CUTC: variants seen among roughly 807,000 people sequenced by gnomAD.
CUTC encodes the protein cutC copper transporter.
Under a neutral mutation model 36.2 loss-of-function variants are expected in CUTC, and 27 were observed. The observed-to-expected ratio is 0.75, with a 90% CI of 0.55 to 1.03. CUTC has a LOEUF of 1.03. CUTC is among the 50% of genes least tolerant of loss of function. The pLI is 0.00. For missense variants in CUTC, 315 were observed against 343.5 expected, an observed-to-expected ratio of 0.92 and a Z score of 0.66; for synonymous variants, 114 against 118.3, an observed-to-expected ratio of 0.96 and a Z score of 0.24.
chr10:99,745,674 T>C (rs2037372901), intron 5 of CUTC, among the ~76,000 whole-genome samples: 1 of 152,134 alleles, frequency 6.6e-6, no homozygotes, highest in Non-Finnish European at 1.5e-5. Flanking sequence ...CTGGCCAACA[T>C]GGTGAAACCC....
chr10:99,735,032 G>A (rs1387742518), intron 1 of CUTC, among the ~76,000 whole-genome samples: 1 of 145,922 alleles, frequency 6.9e-6, no homozygotes, highest in African/African-American at 2.5e-5. Flanking sequence ...AGCCTGGGAG[G>A]CGGAGGTTGC....
chr10:99,740,932 CTT>C (rs1250283231), intron 3 of CUTC, among the ~76,000 whole-genome samples: 2 of 152,084 alleles, frequency 1.3e-5, no homozygotes, highest in African/African-American at 4.8e-5. Context: ...AAATTTGAGT[CTT>C]TTTATGTCTC....
At chr10:99,748,740 A>G (rs2037397424) in intron 6 of CUTC, among the ~76,000 whole-genome samples, 1 of 152,178 alleles carries the variant, frequency 6.6e-6, no homozygotes, top group Non-Finnish European at 1.5e-5. Flanking sequence ...CATTTGAAGG[A>G]TGTTTGGGAG....
chr10:99,746,471 A>G (rs751660328), intron 5 of CUTC, among the ~76,000 whole-genome samples: 37 of 152,198 alleles, frequency 2.4e-4, no homozygotes, highest in Non-Finnish European at 4.6e-4. Context: ...ACACGGGTTT[A>G]TCTGTATAAC....
At chr10:99,750,822 A>C (rs2037410105) in intron 7 of CUTC, among the ~76,000 whole-genome samples, 2 of 152,308 alleles carry the variant, frequency 1.3e-5, no homozygotes, top group South Asian at 4.1e-4. Context: ...AAAATATAAT[A>C]CTGTCTCAGT....
intron 1 of CUTC, among the ~76,000 whole-genome samples, chr10:99,733,602 C>T (rs2037256682): frequency 6.6e-6 from 1 of 152,088 alleles, no homozygotes; most frequent in Non-Finnish European, 1.5e-5. Context: ...CCAATGCACT[C>T]CATCTTGGGT....
At chr10:99,736,858 T>G (rs959148423) in intron 2 of CUTC, among the ~76,000 whole-genome samples, 1 of 152,246 alleles carries the variant, frequency 6.6e-6, no homozygotes, top group African/African-American at 2.4e-5. Flanking sequence ...TGGCCAGTTT[T>G]TCATTTATTT....
intron 3 of CUTC, among the ~76,000 whole-genome samples, chr10:99,742,386 T>A (rs1372465874): frequency 1.3e-5 from 2 of 152,116 alleles, no homozygotes; most frequent in Non-Finnish European, 2.9e-5. Context: ...AATCTTCACA[T>A]GAAAAGAGGG....
intron 7 of CUTC, among the ~76,000 whole-genome samples, chr10:99,751,461 GGACTACAGT>G (rs1442140953): frequency 3.3e-5 from 5 of 152,044 alleles, no homozygotes; most frequent in African/African-American, 7.2e-5. Context: ...CAAGTAGCTG[GGACTACAGT>G]TGCACGCTGC....
chr10:99,754,658 A>G (rs369418669), intron 8 of CUTC, 24 bp downstream of exon 8: 202 of 1,509,446 alleles, frequency 1.3e-4, no homozygotes, highest in Middle Eastern at 1.7e-4. Context: ...CTTCGATTCA[A>G]ATAAGAAGGA....
intron 1 of CUTC, among the ~76,000 whole-genome samples, chr10:99,735,690 G>A (rs1167216612): frequency 1.3e-5 from 2 of 152,182 alleles, no homozygotes; most frequent in African/African-American, 4.8e-5. Context: ...TTACAGGCAT[G>A]AGCCATCACA....
chr10:99,747,621 CT>C (rs2037388465), intron 6 of CUTC, among the ~76,000 whole-genome samples: 1 of 152,246 alleles, frequency 6.6e-6, no homozygotes, highest in Non-Finnish European at 1.5e-5. Context: ...TCTGATCTAA[CT>C]TGGATAAGCA....
Position 99,743,259 on chromosome 10 carries a change from G to A in CUTC, c.300G>A (p.Lys100=), listed in dbSNP as rs199767095. 6.2e-7 allele frequency: 1 copy of A among 1,614,152 alleles called. No individual in the cohort carries two copies. The highest frequency in any genetic ancestry group is 2.2e-5 in the East Asian group (1 of 44,872). Residue 100 remains lysine (K), a synonymous_variant, in exon 4 of 9, where the codon AAG becomes AAA. Coordinates refer to ENST00000370476, the MANE Select transcript of CUTC (RefSeq NM_015960.3). ...LYSDREIEVM[K]ADIRLAKLYG... is the part of the protein sequence containing the mutation. The stretch of plus-strand genomic sequence containing the variant: ...CAGATCGTGAAATTGAGGTGATGAA[G>A]GCTGACATTCGTCTTGCCAAGCTTT...
intron 4 of CUTC, 79 bp from the exon 5 acceptor site, chr10:99,743,958 A>G (rs2037359555): frequency 8.7e-7 from 1 of 1,149,974 alleles, no homozygotes; most frequent in African/African-American, 1.6e-5. Flanking sequence ...AAAAAGTTTC[A>G]GCTAACATGG....
chr10:99,744,162 T>C, intron 5 of CUTC, 90 bp downstream of exon 5: 2 of 1,045,788 alleles, frequency 1.9e-6, no homozygotes, highest in Non-Finnish European at 2.9e-6. Context: ...AACACAATTC[T>C]GTAGTGTTCC....
chr10:99,755,827 T>C lies in CUTC; in HGVS notation c.*88T>C. 1.2e-6 allele frequency: 1 copy of C among 840,516 alleles called. No individual in the cohort carries two copies. Among genetic ancestry groups the C allele is most frequent in the Non-Finnish European group, 2.0e-6 (1 of 510,962 alleles). 52.1% of individuals were successfully genotyped at this position (840,516 alleles called of 1,614,324 possible). ...CTATGACACAGCTTTAACCTTCTTC[T>C]CTGGCCAGGACAGTCGCAATCTTTG... On this transcript the variant is annotated 3_prime_UTR_variant, in exon 9 of 9. Coordinates refer to ENST00000370476, the MANE Select transcript of CUTC (RefSeq NM_015960.3).
chr10:99,743,998 C>T, intron 4 of CUTC, 39 bp from the exon 5 acceptor site: 1 of 1,567,732 alleles, frequency 6.4e-7, no homozygotes, highest in South Asian at 1.1e-5. Context: ...TCAGTGATGA[C>T]ATCTTCATTC....
At chr10:99,736,707 G>A (rs931354540) in intron 2 of CUTC, among the ~76,000 whole-genome samples, 4 of 151,988 alleles carry the variant, frequency 2.6e-5, no homozygotes, top group South Asian at 2.1e-4. Flanking sequence ...TTAATGGGAA[G>A]CACAGACATT....
intron 1 of CUTC, among the ~76,000 whole-genome samples, chr10:99,735,712 AACTAAT>A (rs1253512432): frequency 1.3e-5 from 2 of 152,294 alleles, no homozygotes; most frequent in Admixed American, 1.3e-4. Context: ...CCGGCCAGAT[AACTAAT>A]ACTTTTTGAT....
Sources: allele counts gnomAD v4.1 joint callset (sites outside exome capture counted in the v4.1 genomes callset), GRCh38; gene constraint gnomAD v4.1.1; transcripts MANE v1.5; gene names NCBI Gene and HGNC (gene_info 2026-07-23, HGNC 2026-07-21).